The following ITPRID1 variants were observed in gnomAD, a reference collection of about 807,000 sequenced individuals.
ITPRID1 encodes protein ITPRID1.
In ITPRID1, 96 loss-of-function variants were observed where a neutral mutation model predicts 95.4. The ratio of observed to expected loss-of-function variants is 1.01; its 90% confidence interval spans 0.85 to 1.19. The LOEUF (loss-of-function observed/expected upper bound fraction) is 1.19, where lower values mean the gene tolerates loss of function less well. Ranked by LOEUF, ITPRID1 falls within the 50% of genes most tolerant of loss-of-function variation. The probability of loss-of-function intolerance (pLI) is 0.00; values close to 1 mark genes in which losing one functional copy is unlikely to be tolerated. For missense variants in ITPRID1, 1,339 were observed against 1,252.9 expected (o/e 1.07, Z -1.04); for synonymous variants, 510 against 453.6 (o/e 1.12, Z -1.58).
intron 1 of ITPRID1, among the ~76,000 whole-genome samples, chr7:31,520,261 G>A (rs1165916573): frequency 6.6e-6 from 1 of 152,030 alleles, no homozygotes; most frequent in Non-Finnish European, 1.5e-5. Flanking sequence ...TATCTCCATT[G>A]ATGTTAACCT....
chr7:31,573,418 G>C (rs1785062944), intron 7 of ITPRID1, among the ~76,000 whole-genome samples: 1 of 151,744 alleles, frequency 6.6e-6, no homozygotes, highest in Non-Finnish European at 1.5e-5. Context: ...AAAAAAGAAA[G>C]TGTGAACATG....
chr7:31,562,490 A>T (rs570871554), intron 5 of ITPRID1, among the ~76,000 whole-genome samples: 5 of 152,226 alleles, frequency 3.3e-5, no homozygotes, highest in Non-Finnish European at 5.9e-5. Flanking sequence ...TTGTTTCAGA[A>T]TAGGAACTTA....
intron 1 of ITPRID1, among the ~76,000 whole-genome samples, chr7:31,519,752 T>A (rs1783183627): frequency 6.6e-6 from 1 of 150,630 alleles, no homozygotes; most frequent in Admixed American, 6.6e-5. Context: ...TTACAAAATA[T>A]CTTTTAATCC....
chr7:31,619,274 TCATAATTTA>T (rs1297584325), intron 10 of ITPRID1, among the ~76,000 whole-genome samples: 2 of 152,118 alleles, frequency 1.3e-5, no homozygotes, highest in Non-Finnish European at 2.9e-5. Context: ...GGGTAAACTC[TCATAATTTA>T]CATATGAGAA....
chr7:31,538,258 G>T (rs180733771), intron 1 of ITPRID1, among the ~76,000 whole-genome samples: 1 of 151,732 alleles, frequency 6.6e-6, no homozygotes, highest in African/African-American at 2.4e-5. Context: ...ACACACGTGC[G>T]CATGCACACA....
chr7:31,548,938 G>C (rs1203151266), intron 1 of ITPRID1, among the ~76,000 whole-genome samples: 2 of 152,098 alleles, frequency 1.3e-5, no homozygotes, highest in Non-Finnish European at 2.9e-5. Context: ...TCTTGGGGAA[G>C]TCACCATATG....
At chr7:31,568,770 CT>C (rs1425614751) in intron 5 of ITPRID1, among the ~76,000 whole-genome samples, 4 of 152,144 alleles carry the variant, frequency 2.6e-5, no homozygotes, top group African/African-American at 9.7e-5. Context: ...GCTCAAAAAC[CT>C]TTCGTGGTTT....
intron 10 of ITPRID1, among the ~76,000 whole-genome samples, chr7:31,639,520 TTTTG>T (rs1360502759): frequency 7.4e-5 from 10 of 134,464 alleles, no homozygotes; most frequent in Non-Finnish European, 1.1e-4. Flanking sequence ...ATAGTTTTTC[TTTTG>T]TTTGTTTGTT....
chr7:31,631,702 A>C (rs557839734), intron 10 of ITPRID1, among the ~76,000 whole-genome samples: 1 of 152,326 alleles, frequency 6.6e-6, no homozygotes, highest in Non-Finnish European at 1.5e-5. Context: ...AAGGAAGGGA[A>C]GAATTCCTAG....
At chr7:31,609,711 A>C in intron 10 of ITPRID1, among the ~76,000 whole-genome samples, 1 of 151,394 alleles carries the variant, frequency 6.6e-6, no homozygotes, top group East Asian at 1.9e-4. Flanking sequence ...AAGATTTGTC[A>C]GTTTTGGTGA....
intron 10 of ITPRID1, among the ~76,000 whole-genome samples, chr7:31,631,552 A>G (rs1288021061): frequency 6.6e-6 from 1 of 152,162 alleles, no homozygotes; most frequent in Non-Finnish European, 1.5e-5. Context: ...TCATACTGAA[A>G]AGCAAGAGTA....
In ITPRID1 at chr7:31,643,475, C is replaced by G; in HGVS notation, c.2105C>G (p.Thr702Ser). ...GAGATGGAAAACCTTCCTCTAAATA[C>G]TGGCAGCTCCAGGTCTGTAATGACC... ...EAEMENLPLN[T>S]GSSRSVMTQM... is the part of the protein sequence containing the mutation. The change falls in exon 12 of 15, where the codon ACT (threonine) becomes AGT (serine). Residue 702 changes from threonine (T) to serine (S), a missense_variant. Physicochemically the swap from Thr to Ser is moderately conservative, Grantham distance 58 (BLOSUM62 1). Coordinates refer to ENST00000615280, the MANE Select transcript of ITPRID1 (RefSeq NM_001257967.3). The G allele has an allele frequency of 6.2e-7, 1 of 1,614,038 alleles. No individual in the cohort carries two copies. The highest frequency in any genetic ancestry group is 8.5e-7 in the Non-Finnish European group (1 of 1,179,906).
rs1472584989 is a variant in ITPRID1, at chr7:31,578,075, C to T, written c.811C>T (p.Pro271Ser). The T allele has an allele frequency of 4.3e-6, 7 of 1,613,592 alleles. No homozygotes were observed. The highest frequency in any genetic ancestry group is 5.9e-6 in the Non-Finnish European group (7 of 1,179,792). ...SKQNIRRDCN[P>S]EVSESFKVKD... The stretch of plus-strand genomic sequence containing the variant: ...ACAGAACATCAGGCGGGATTGTAAC[C>T]CAGAGGTATCAGAGTCCTTCAAGGT... The change falls in exon 9 of 15, where the codon CCA becomes TCA. Residue 271 changes from proline (P) to serine (S), a missense_variant. Physicochemically the swap from Pro to Ser is moderately conservative, Grantham distance 74 (BLOSUM62 -1). Transcript: ENST00000615280.
At chr7:31,531,545 C>G (rs1325824691) in intron 1 of ITPRID1, among the ~76,000 whole-genome samples, 1 of 152,170 alleles carries the variant, frequency 6.6e-6, no homozygotes, top group Non-Finnish European at 1.5e-5. Flanking sequence ...TTAGGTTTGG[C>G]TGTGTCAGTC....
intron 10 of ITPRID1, among the ~76,000 whole-genome samples, chr7:31,629,631 A>G (rs1265623110): frequency 6.6e-6 from 1 of 152,260 alleles, no homozygotes; most frequent in South Asian, 2.1e-4. Context: ...TACAATGGTC[A>G]GACCATGGGT....
chr7:31,599,985 A>C (rs536996097), intron 10 of ITPRID1, among the ~76,000 whole-genome samples: 1 of 152,256 alleles, frequency 6.6e-6, no homozygotes, highest in African/African-American at 2.4e-5. Context: ...GGCGTGAGCC[A>C]CCGCACCCAG....
intron 10 of ITPRID1, among the ~76,000 whole-genome samples, chr7:31,601,663 T>C (rs1014215742): frequency 6.6e-6 from 1 of 152,234 alleles, no homozygotes; most frequent in African/African-American, 2.4e-5. Flanking sequence ...TTATTACCAC[T>C]GGCCTCCGTG....
intron 10 of ITPRID1, among the ~76,000 whole-genome samples, chr7:31,603,894 T>A (rs1238579811): frequency 6.6e-6 from 1 of 152,238 alleles, no homozygotes; most frequent in East Asian, 1.9e-4. Flanking sequence ...CTTAGTGCGA[T>A]GATTACCTCT....
chr7:31,519,604 C>CTT (rs1562542967), intron 1 of ITPRID1, among the ~76,000 whole-genome samples: 1 of 57,908 alleles, frequency 1.7e-5, no homozygotes, highest in East Asian at 9.3e-4. Flanking sequence ...CTCTCTCTCT[C>CTT]TCTCTCTCTC....
Sources: allele counts gnomAD v4.1 joint callset (sites outside exome capture counted in the v4.1 genomes callset), GRCh38; gene constraint gnomAD v4.1.1; transcripts MANE v1.5; gene names NCBI Gene and HGNC (gene_info 2026-07-23, HGNC 2026-07-21).